Variants in NCALD observed in about 807,000 individuals in gnomAD.
NCALD encodes neurocalcin-delta.
Under a neutral mutation model 18.6 loss-of-function variants are expected in NCALD, and 10 were observed. The observed-to-expected ratio is 0.54, with a 90% CI of 0.33 to 0.91. The LOEUF (loss-of-function observed/expected upper bound fraction) is 0.91, where lower values mean the gene tolerates loss of function less well. Ranked by LOEUF, NCALD falls within the 40% of genes least tolerant of loss-of-function variation. The pLI is 0.03. For missense variants in NCALD, 184 were observed against 247.6 expected (o/e 0.74, Z 1.72); for synonymous variants, 88 against 87.4 (o/e 1.01, Z -0.04).
chr8:101,774,028 A>G (rs1284738968), intron 1 of NCALD, among the ~76,000 whole-genome samples: 1 of 152,192 alleles, frequency 6.6e-6, no homozygotes, highest in Non-Finnish European at 1.5e-5. Context: ...TGCTGCTATG[A>G]CAAGTAAGGG....
At chr8:101,978,391 C>T (rs1303320497) in intron 2 of NCALD, among the ~76,000 whole-genome samples, 1 of 152,172 alleles carries the variant, frequency 6.6e-6, no homozygotes, top group Non-Finnish European at 1.5e-5. Flanking sequence ...AGGGTCAGAT[C>T]CTGTCCTAAG....
Position 101,826,497 on chromosome 8 carries a change from A to G in NCALD, c.-20+60644T>C, listed in dbSNP as rs962481828. Among the ~76,000 whole-genome samples, 25 of 152,372 alleles carry G rather than the reference A, an allele frequency of 1.6e-4. No individual in the cohort carries two copies. The Middle Eastern group carries it at 0.01, about 62-fold the overall frequency. On this transcript the variant is annotated intron_variant, in intron 4 of 6. Coordinates refer to the NCALD transcript ENST00000311028. ...CACATTTAACTAGGTTTTTAGCATC[A>G]TGCATAGTGTAAACTCATCTGCTAC...
chr8:102,100,680 C>T (rs956466920), intron 1 of NCALD, among the ~76,000 whole-genome samples: 1 of 152,100 alleles, frequency 6.6e-6, no homozygotes, highest in Non-Finnish European at 1.5e-5. Flanking sequence ...AGTGGATAAA[C>T]AAAACGAGGT....
chr8:102,084,948 TGA>T, intron 1 of NCALD, among the ~76,000 whole-genome samples: 1 of 152,080 alleles, frequency 6.6e-6, no homozygotes, highest in Non-Finnish European at 1.5e-5. Context: ...TCTGGGAAAA[TGA>T]GTAAAATTCA....
intron 1 of NCALD, among the ~76,000 whole-genome samples, chr8:101,745,468 GC>G (rs1203653591): frequency 6.6e-6 from 1 of 152,194 alleles, no homozygotes; most frequent in Non-Finnish European, 1.5e-5. Context: ...ATGTACTAGA[GC>G]CAAAGAATAT....
intron 2 of NCALD, among the ~76,000 whole-genome samples, chr8:101,703,062 A>G (rs549367942): frequency 1.3e-5 from 2 of 152,150 alleles, no homozygotes; most frequent in Non-Finnish European, 2.9e-5. Context: ...TGAACAGTTT[A>G]TGAAAGTAGT....
intron 4 of NCALD, among the ~76,000 whole-genome samples, chr8:101,798,236 T>C (rs995604425): frequency 6.6e-6 from 1 of 152,180 alleles, no homozygotes; most frequent in South Asian, 2.1e-4. Context: ...GTGGATGAAA[T>C]GATTATCTAT....
intron 1 of NCALD, among the ~76,000 whole-genome samples, chr8:102,106,490 C>T (rs1825459576): frequency 6.7e-6 from 1 of 149,950 alleles, no homozygotes. Context: ...CACACACACA[C>T]ATATACTACA....
intron 3 of NCALD, among the ~76,000 whole-genome samples, chr8:101,897,929 G>A (rs549784602): frequency 1.3e-4 from 20 of 152,178 alleles, no homozygotes; most frequent in Non-Finnish European, 2.6e-4. Flanking sequence ...CGAATCACAG[G>A]GGCGGTTCCC....
intron 2 of NCALD, among the ~76,000 whole-genome samples, chr8:101,985,220 T>A (rs1820763181): frequency 6.6e-6 from 1 of 152,272 alleles, no homozygotes; most frequent in South Asian, 2.1e-4. Flanking sequence ...GGTCTTCTGA[T>A]GACCCACCCC....
chr8:102,104,162 T>C (rs1825374992), intron 1 of NCALD, among the ~76,000 whole-genome samples: 1 of 152,224 alleles, frequency 6.6e-6, no homozygotes, highest in Non-Finnish European at 1.5e-5. Context: ...ACTTGGTTCC[T>C]GATTATATAG....
intron 1 of NCALD, among the ~76,000 whole-genome samples, chr8:102,062,623 CA>C (rs999468397): frequency 5.3e-5 from 8 of 152,252 alleles, no homozygotes; most frequent in African/African-American, 1.9e-4. Flanking sequence ...CAACAATAAA[CA>C]CTTATTTCTT....
At chr8:101,816,699 C>T (rs1445231228) in intron 4 of NCALD, among the ~76,000 whole-genome samples, 3 of 152,112 alleles carry the variant, frequency 2.0e-5, no homozygotes, top group Non-Finnish European at 4.4e-5. Flanking sequence ...GGTAAAATGT[C>T]CCCGCTACAA....
At chr8:101,877,973 TA>T in intron 4 of NCALD, among the ~76,000 whole-genome samples, 1 of 152,354 alleles carries the variant, frequency 6.6e-6, no homozygotes, top group South Asian at 2.1e-4. Context: ...GCCACTGATC[TA>T]ATGAAGCTAG....
chr8:102,103,483 C>T (rs953214534), intron 1 of NCALD, among the ~76,000 whole-genome samples: 3 of 152,182 alleles, frequency 2.0e-5, no homozygotes, highest in African/African-American at 7.2e-5. Flanking sequence ...GCTAGCAAGA[C>T]ACCACCAGGA....
intron 1 of NCALD, among the ~76,000 whole-genome samples, chr8:102,074,144 G>C (rs1457390048): frequency 6.6e-6 from 1 of 152,324 alleles, no homozygotes; most frequent in East Asian, 1.9e-4. Context: ...CAGGTGTCTA[G>C]CACTGAAGTG....
At chr8:101,887,295 G>C (rs1024262890) in intron 3 of NCALD, 4 of 152,166 alleles carry the variant, frequency 2.6e-5, no homozygotes, top group African/African-American at 9.7e-5. Context: ...GTTTTGGTGA[G>C]ACTGTCACTT....
intron 2 of NCALD, among the ~76,000 whole-genome samples, chr8:101,989,059 C>T (rs1453104632): frequency 6.6e-6 from 1 of 152,030 alleles, no homozygotes; most frequent in Non-Finnish European, 1.5e-5. Flanking sequence ...TTGAGAGAAA[C>T]AATAAAGATC....
chr8:102,010,294 A>T (rs1402434975), intron 2 of NCALD, among the ~76,000 whole-genome samples: 1 of 152,238 alleles, frequency 6.6e-6, no homozygotes, highest in Non-Finnish European at 1.5e-5. Context: ...CTTTACCTAC[A>T]ACTGTCTTGG....
Sources: allele counts gnomAD v4.1 joint callset (sites outside exome capture counted in the v4.1 genomes callset), GRCh38; gene constraint gnomAD v4.1.1; transcripts MANE v1.5; gene names NCBI Gene and HGNC (gene_info 2026-07-23, HGNC 2026-07-21).